The following IFT43 variants were observed in gnomAD, a reference collection of about 807,000 sequenced individuals.
IFT43 encodes intraflagellar transport protein 43 homolog.
A neutral mutation model predicts 32.3 loss-of-function variants in IFT43; 33 were observed. The observed-to-expected ratio is 1.02, with a 90% CI of 0.77 to 1.37. The LOEUF (loss-of-function observed/expected upper bound fraction) is 1.37, where lower values mean the gene tolerates loss of function less well. IFT43 is among the 40% of genes most tolerant of loss of function. IFT43 has a pLI of 0.00. For missense variants in IFT43, 274 were observed against 265.9 expected (o/e 1.03, Z -0.21); for synonymous variants, 93 against 98.2 (o/e 0.95, Z 0.31).
chr14:76,051,009 G>A (rs7149424), intron 3 of IFT43, among the ~76,000 whole-genome samples: 2,874 of 151,744 alleles, frequency 0.019, 85 homozygotes, highest in African/African-American at 0.066. Context: ...CATTCTCCCA[G>A]GAATTGCCTT....
chr14:76,079,818 C>T (rs1158024371), intron 5 of IFT43, among the ~76,000 whole-genome samples: 1 of 152,134 alleles, frequency 6.6e-6, no homozygotes, highest in East Asian at 1.9e-4. Context: ...TGCAGGTCGC[C>T]ACTGTCTCTT....
intron 5 of IFT43, among the ~76,000 whole-genome samples, chr14:76,070,649 G>C (rs1049851785): frequency 2.0e-5 from 3 of 152,156 alleles, no homozygotes; most frequent in African/African-American, 7.2e-5. Flanking sequence ...TGGAGGTGGG[G>C]CCTAGTGTGA....
chr14:76,020,607 A>AT (rs772002197), intron 2 of IFT43, among the ~76,000 whole-genome samples: 81 of 151,880 alleles, frequency 5.3e-4, no homozygotes, highest in Non-Finnish European at 2.1e-4. Flanking sequence ...TGTAGTTTTT[A>AT]TATATCTTCA....
chr14:75,999,262 T>TTC (rs1566699504), intron 2 of IFT43, among the ~76,000 whole-genome samples: 10 of 25,288 alleles, frequency 4.0e-4, no homozygotes, highest in African/African-American at 7.1e-4. Context: ...TATATATATA[T>TTC]ATATATATAT....
At chr14:76,084,068 GGATA>G (rs1196749300), downstream of IFT43, 1 of 434,484 alleles carries the variant, frequency 2.3e-6, no homozygotes, top group Non-Finnish European at 4.6e-6. Flanking sequence ...GCGGCGGGAG[GGATA>G]AGGAGACTCA....
chr14:76,006,239 G>A (rs927921528), intron 2 of IFT43, among the ~76,000 whole-genome samples: 2 of 152,210 alleles, frequency 1.3e-5, no homozygotes, highest in Admixed American at 6.5e-5. Context: ...ATCTAAAAAG[G>A]CCTCTAGAGT....
At chr14:76,014,390 T>A (rs2036143356) in intron 2 of IFT43, among the ~76,000 whole-genome samples, 1 of 152,250 alleles carries the variant, frequency 6.6e-6, no homozygotes, top group African/African-American at 2.4e-5. Flanking sequence ...TTGTTTGTAC[T>A]TAATTTCAAA....
At position 75,986,549 on chromosome 14, in the gene IFT43, A is replaced by G. The variant is rs571021254; in HGVS notation, c.54+709A>G. Among the ~76,000 whole-genome samples, 191 of 152,260 alleles carry G rather than the reference A, an allele frequency of 1.3e-3. 1 individual carries two copies. The highest frequency in any genetic ancestry group is 4.3e-3 in the African/African-American group (180 of 41,536). On this transcript the variant is annotated intron_variant, in intron 1 of 8. Coordinates refer to ENST00000314067, the MANE Select transcript of IFT43 (RefSeq NM_001102564.3). ...CAGTGAAAAGGAAATGCAACAATAC[A>G]TGGGAAGCGTGTAACTCAGTGCTTG...
At position 76,083,212 on chromosome 14, in the gene IFT43, T is replaced by C. The variant is rs745766333; in HGVS notation, c.445-15T>C. On this transcript the variant is annotated splice_polypyrimidine_tract_variant and intron_variant, in intron 7 of 8. Transcript: ENST00000314067. ...CAAGGTGCTCAGCCTGACCTTTTTTTGTTTGCATTCACAGGATGGGGAGAT... is the reference window on the plus strand; with the variant it reads ...CAAGGTGCTCAGCCTGACCTTTTTTCGTTTGCATTCACAGGATGGGGAGAT... 8.6e-5 allele frequency: 139 copies of C among 1,614,038 alleles called. No individual in the cohort carries two copies. The highest frequency in any genetic ancestry group is 9.2e-5 in the Non-Finnish European group (109 of 1,180,018).
Position 76,038,385 on chromosome 14 carries a change from C to A in IFT43, c.215+15991C>A, listed in dbSNP as rs1056853927. On this transcript the variant is annotated intron_variant, in intron 3 of 8. Coordinates refer to ENST00000314067, the MANE Select transcript of IFT43 (RefSeq NM_001102564.3). ...CATTTTGCCCTGCATAGATGCTTTT[C>A]TTTCACGTGCCTTCCAAGATATGGT... 1.1e-4 allele frequency among the ~76,000 whole-genome samples: 17 copies of A among 152,286 alleles called. No individual in the cohort carries two copies. In the East Asian group the frequency reaches 3.3e-3, roughly 29 times the overall value.
chr14:76,056,534 C>T (rs546225585), intron 3 of IFT43, among the ~76,000 whole-genome samples: 6 of 152,224 alleles, frequency 3.9e-5, no homozygotes, highest in Non-Finnish European at 7.3e-5. Flanking sequence ...GTTTTGCCAC[C>T]GCACATTGTG....
chr14:76,011,531 C>A (rs1229597809), intron 2 of IFT43, among the ~76,000 whole-genome samples: 1 of 152,128 alleles, frequency 6.6e-6, no homozygotes, highest in Non-Finnish European at 1.5e-5. Flanking sequence ...TGTTTTTCTC[C>A]CCTGCAACTA....
chr14:76,062,917 CAAAAA>C (rs746158153), intron 5 of IFT43, among the ~76,000 whole-genome samples: 25 of 72,470 alleles, frequency 3.4e-4, no homozygotes, highest in East Asian at 1.7e-3. Context: ...GATCCCATCT[CAAAAA>C]AAAAAAAAAA....
chr14:75,995,628 G>A (rs571883646), intron 2 of IFT43, among the ~76,000 whole-genome samples: 1 of 152,202 alleles, frequency 6.6e-6, no homozygotes, highest in South Asian at 2.1e-4. Flanking sequence ...CCCCTTACTG[G>A]TCTGCCAGCC....
intron 5 of IFT43, among the ~76,000 whole-genome samples, chr14:76,078,771 G>A (rs1282343843): frequency 1.3e-5 from 2 of 152,234 alleles, no homozygotes; most frequent in Admixed American, 1.3e-4. Flanking sequence ...GGCTCCCATG[G>A]TGCCGGGGGT....
Position 76,082,693 on chromosome 14 carries a change from G to T in IFT43, c.444+1G>T. The T allele has an allele frequency of 4.4e-6, 7 of 1,591,386 alleles. No individual in the cohort carries two copies. The South Asian group carries it at 6.6e-5, about 15-fold the overall frequency. On this transcript the variant is annotated splice_donor_variant, in intron 7 of 8. Coordinates refer to ENST00000314067, the MANE Select transcript of IFT43 (RefSeq NM_001102564.3). LOFTEE classifies it high-confidence loss of function. Reference sequence around the variant, plus strand: ...GAAGTACTCAGCCATTCAGACACTGGTGAGTGGAACAGCTTCTGCATAGAG... The same window carrying T: ...GAAGTACTCAGCCATTCAGACACTGTTGAGTGGAACAGCTTCTGCATAGAG...
rs182532804 is a variant in IFT43, at chr14:76,012,776, T to A, written c.148-9551T>A. On this transcript the variant is annotated intron_variant, in intron 2 of 8. Transcript: ENST00000314067. ...CATATTTTAAGACTCTTTCTTTTTT[T>A]AAAACAAGTTTAGGGAATGTTACCT... is the stretch of plus-strand genomic sequence containing the variant. 9.2e-3 allele frequency among the ~76,000 whole-genome samples: 1,403 copies of A among 152,314 alleles called. 21 individuals are homozygous for A. The highest frequency in any genetic ancestry group is 0.011 in the Non-Finnish European group (733 of 68,032).
intron 3 of IFT43, among the ~76,000 whole-genome samples, chr14:76,039,905 C>CT (rs1168104670): frequency 6.6e-6 from 1 of 152,192 alleles, no homozygotes; most frequent in African/African-American, 2.4e-5. Flanking sequence ...AAAAAAATCT[C>CT]TAACAATATT....
chr14:75,991,720 C>CT (rs1014732658), intron 2 of IFT43, among the ~76,000 whole-genome samples: 4 of 152,160 alleles, frequency 2.6e-5, no homozygotes, highest in East Asian at 1.9e-4. Context: ...CGAGGTTTAC[C>CT]TTTTTTTAAC....
Sources: gnomAD v4.1 joint callset for allele counts (sites outside exome capture counted in the v4.1 genomes callset) on GRCh38, gnomAD v4.1.1 for gene constraint, MANE v1.5 for transcripts, NCBI Gene and HGNC (gene_info 2026-07-23, HGNC 2026-07-21) for gene names.